CCDC13: variants seen among roughly 807,000 people sequenced by gnomAD.
CCDC13 encodes coiled-coil domain containing 13.
Under a neutral mutation model 87.3 loss-of-function variants are expected in CCDC13, and 70 were observed. The ratio of observed to expected loss-of-function variants is 0.80; its 90% CI spans 0.66 to 0.98. CCDC13 has a LOEUF of 0.98. Ranked by LOEUF, CCDC13 falls within the 50% of genes least tolerant of loss-of-function variation. CCDC13 has a pLI of 0.00. For missense variants in CCDC13, 842 were observed against 892.0 expected (o/e 0.94, Z 0.71); for synonymous variants, 317 against 360.3 (o/e 0.88, Z 1.36).
chr3:42,752,789 C>T (rs1699619306), intron 3 of CCDC13, 72 bp from the exon 4 acceptor site: 6 of 1,565,552 alleles, frequency 3.8e-6, no homozygotes, highest in East Asian at 4.5e-5. Flanking sequence ...CCACCACTAA[C>T]AGCACCAGGG....
chr3:42,756,397 C>A (rs951428805), intron 3 of CCDC13, among the ~76,000 whole-genome samples: 8 of 152,300 alleles, frequency 5.3e-5, no homozygotes, highest in Non-Finnish European at 1.0e-4. Flanking sequence ...AAGGTCCTCA[C>A]CAGACTCATG....
Position 42,758,136 on chromosome 3 carries a change from G to C in CCDC13, c.210C>G (p.Ser70Arg). 1 of 1,613,122 alleles carries C rather than the reference G, an allele frequency of 6.2e-7. No homozygotes were observed. Residue 70 changes from serine to arginine, a missense_variant, in exon 2 of 16, where the codon AGC becomes AGG. Transcript: ENST00000310232. ...LHAGEPNSKN[S>R]FEKRVLEDEI... is the part of the protein sequence containing the mutation. ...AAACTTGCATTTACCTCTTCTCAAA[G>C]CTATTTTTCGAGTTTGGCTCCCCTG...
chr3:42,757,995 A>G, intron 2 of CCDC13, 130 bp downstream of exon 2: 1 of 712,352 alleles, frequency 1.4e-6, no homozygotes, highest in Non-Finnish European at 2.3e-6. Context: ...TGCAGCTATA[A>G]TTAAGGCTCT....
chr3:42,746,215 AC>A (rs1477307314), intron 6 of CCDC13, 188 bp from the exon 7 acceptor site: 1 of 570,556 alleles, frequency 1.8e-6, no homozygotes, highest in Admixed American at 3.0e-5. Flanking sequence ...AAAGTAGTAA[AC>A]CCATCATCCC....
chr3:42,747,683 G>T (rs1699452360), intron 5 of CCDC13, among the ~76,000 whole-genome samples: 2 of 152,190 alleles, frequency 1.3e-5, no homozygotes, highest in South Asian at 4.1e-4. Flanking sequence ...ACACACATGT[G>T]GGTGTATGCC....
chr3:42,710,020 A>T (rs1698270492), intron 14 of CCDC13, among the ~76,000 whole-genome samples: 1 of 149,820 alleles, frequency 6.7e-6, no homozygotes, highest in Admixed American at 6.6e-5. Context: ...TACAGCCCTG[A>T]CTCTGCTCGC....
At chr3:42,772,692 T>G (rs1364019660) in intron 1 of CCDC13, among the ~76,000 whole-genome samples, 1 of 152,146 alleles carries the variant, frequency 6.6e-6, no homozygotes, top group African/African-American at 2.4e-5. Flanking sequence ...GCTCTGGTTC[T>G]CAGGGCTGGA....
chr3:42,733,327 G>T, intron 11 of CCDC13, 143 bp downstream of exon 11: 1 of 1,029,428 alleles, frequency 9.7e-7, no homozygotes, highest in Non-Finnish European at 1.5e-6. Context: ...AATGTCATAG[G>T]AGAGGCCCAC....
intron 9 of CCDC13, among the ~76,000 whole-genome samples, chr3:42,736,244 T>G (rs1699015076): frequency 1.3e-5 from 2 of 152,202 alleles, no homozygotes; most frequent in Admixed American, 1.3e-4. Flanking sequence ...AGCCTGATCC[T>G]GCTTGGCTGG....
At chr3:42,735,620 G>C (rs1426821434) in intron 10 of CCDC13, 87 bp downstream of exon 10, 2 of 1,407,608 alleles carry the variant, frequency 1.4e-6, no homozygotes, top group Non-Finnish European at 2.0e-6. Context: ...TCTGGCCTGA[G>C]CTAAGGCAAG....
intron 8 of CCDC13, chr3:42,741,013 A>C (rs1351096686): frequency 6.6e-6 from 1 of 152,242 alleles, no homozygotes; most frequent in East Asian, 1.9e-4. Flanking sequence ...GCATGCAGGA[A>C]GCTGTTTCCT....
intron 13 of CCDC13, among the ~76,000 whole-genome samples, chr3:42,715,577 A>G (rs925771590): frequency 1.3e-5 from 2 of 152,160 alleles, no homozygotes; most frequent in Admixed American, 1.3e-4. Flanking sequence ...GCACCACTGC[A>G]CTCTGGCCTG....
In CCDC13 at chr3:42,729,695, T is replaced by A. The variant is rs1698774809; in HGVS notation, c.1718+772A>T. Among the ~76,000 whole-genome samples, 3 of 152,248 alleles carry A rather than the reference T, an allele frequency of 2.0e-5. No homozygotes were observed. The South Asian group carries it at 6.2e-4, about 31-fold the overall frequency. On this transcript the variant is annotated intron_variant, in intron 13 of 15. Coordinates refer to ENST00000310232, the MANE Select transcript of CCDC13 (RefSeq NM_144719.4). ...TGCTACCAAAGATGCCTGCACCTTC[T>A]CAGGCTCCTCTCCTGCTCTCTGCAT...
chr3:42,764,188 A>T (rs1176443502), intron 1 of CCDC13, among the ~76,000 whole-genome samples: 2 of 152,238 alleles, frequency 1.3e-5, no homozygotes, highest in Non-Finnish European at 2.9e-5. Context: ...TTCTTATCAG[A>T]CTTAAGGTCT....
At chr3:42,728,246 G>A (rs571557877) in intron 13 of CCDC13, among the ~76,000 whole-genome samples, 46 of 152,362 alleles carry the variant, frequency 3.0e-4, no homozygotes, top group African/African-American at 1.1e-3. Context: ...CCACTGCAGG[G>A]TGGGGTGGGG....
Position 42,752,716 on chromosome 3 carries a change from C to T in CCDC13, c.372G>A (p.Gly124=), listed in dbSNP as rs1003357892. ...CCACGTCTCCGGCTACACCGGCTGT[C>T]CCTAAAATGAAAGGAATGGTGAGGT... The part of the protein sequence containing the change: ...KIEEDRFAFT[G]TAGVAGDVVA... Residue 124 remains glycine (G), a splice_region_variant and synonymous_variant, in exon 4 of 16, where the codon GGG becomes GGA. Coordinates refer to ENST00000310232, the MANE Select transcript of CCDC13 (RefSeq NM_144719.4). 6.2e-7 allele frequency: 1 copy of T among 1,614,014 alleles called. No homozygotes were observed. Among genetic ancestry groups the T allele is most frequent in the Non-Finnish European group, 8.5e-7 (1 of 1,180,028 alleles).
At chr3:42,750,839 T>C (rs1699559208) in intron 5 of CCDC13, among the ~76,000 whole-genome samples, 1 of 152,146 alleles carries the variant, frequency 6.6e-6, no homozygotes, top group African/African-American at 2.4e-5. Context: ...CAGTTTCCTA[T>C]CCAGGGCAGC....
At chr3:42,761,950 T>A (rs540981599) in intron 1 of CCDC13, among the ~76,000 whole-genome samples, 30 of 152,316 alleles carry the variant, frequency 2.0e-4, no homozygotes, top group African/African-American at 7.2e-4. Context: ...AACTGCTCTA[T>A]CTGTACCTTC....
chr3:42,724,117 C>G (rs182442629), intron 13 of CCDC13, among the ~76,000 whole-genome samples: 1 of 152,306 alleles, frequency 6.6e-6, no homozygotes, highest in East Asian at 1.9e-4. Flanking sequence ...TTTTGTTTAA[C>G]TCCATTTATA....
Sources: gnomAD v4.1 joint callset for allele counts (sites outside exome capture counted in the v4.1 genomes callset) on GRCh38, gnomAD v4.1.1 for gene constraint, MANE v1.5 for transcripts, NCBI Gene and HGNC (gene_info 2026-07-23, HGNC 2026-07-21) for gene names.